The following SLC5A4 variants were observed in gnomAD, a reference collection of about 807,000 sequenced individuals.
SLC5A4 encodes the protein probable glucose sensor protein SLC5A4.
Under a neutral mutation model 70.3 loss-of-function variants are expected in SLC5A4, and 55 were observed. The observed-to-expected ratio is 0.78, with a 90% confidence interval of 0.63 to 0.98. The LOEUF (loss-of-function observed/expected upper bound fraction) is 0.98. Ranked by LOEUF, SLC5A4 falls within the 50% of genes least tolerant of loss-of-function variation. SLC5A4 has a pLI of 0.00. For synonymous variants in SLC5A4, 268 were observed against 305.7 expected (o/e 0.88, Z 1.29); for missense variants, 735 against 839.2 (o/e 0.88, Z 1.53).
upstream of SLC5A4, chr22:32,255,356 C>T (rs374660699): frequency 4.4e-6 from 7 of 1,606,368 alleles, no homozygotes; most frequent in Non-Finnish European, 6.0e-6. Flanking sequence ...ATACCCATTC[C>T]ACGCATGAGC....
chr22:32,271,102 G>T, the SLC5A4 span: 2 of 593,518 alleles, frequency 3.4e-6, no homozygotes, highest in Non-Finnish European at 6.2e-6. Context: ...GAAGCAGCCA[G>T]CCCCTGCCGA....
chr22:32,315,732 C>T, the SLC5A4 span, among the ~76,000 whole-genome samples: 1 of 138,038 alleles, frequency 7.2e-6, no homozygotes, highest in Non-Finnish European at 1.5e-5. Flanking sequence ...ACAATGATGA[C>T]AGAACTAAGA....
At chr22:32,270,217 A>T in the SLC5A4 span, 1 of 676,518 alleles carries the variant, frequency 1.5e-6, no homozygotes, top group South Asian at 1.5e-5. Context: ...CAGCATCCTT[A>T]ACATTGGACC....
chr22:32,239,265 T>TTTTACTCTC (rs1188358156), intron 5 of SLC5A4, among the ~76,000 whole-genome samples, 175 bp from the exon 6 acceptor site: 1 of 151,478 alleles, frequency 6.6e-6, no homozygotes, highest in African/African-American at 2.4e-5. Context: ...AAAAAACGAT[T>TTTTACTCTC]TTTACTCTCT....
chr22:32,345,993 T>C, the SLC5A4 span, among the ~76,000 whole-genome samples: 11 of 152,302 alleles, frequency 7.2e-5, 1 homozygote, highest in African/African-American at 2.6e-4. Context: ...TCCAAGCTAC[T>C]GGAAACAGAA....
At chr22:32,342,474 CT>C in the SLC5A4 span, among the ~76,000 whole-genome samples, 1 of 152,078 alleles carries the variant, frequency 6.6e-6, no homozygotes, top group African/African-American at 2.4e-5. Flanking sequence ...AATCCACAGA[CT>C]TTAAGATAAA....
chr22:32,285,277 T>G, the SLC5A4 span: 1 of 152,212 alleles, frequency 6.6e-6, no homozygotes, highest in East Asian at 1.9e-4. Flanking sequence ...ATTTTACTCA[T>G]GCTGGGTTCA....
chr22:32,219,646 A>AAAAAAAAAAAAAAAAAAAAAC (rs1924954759), intron 14 of SLC5A4, among the ~76,000 whole-genome samples: 1 of 148,880 alleles, frequency 6.7e-6, no homozygotes, highest in African/African-American at 2.4e-5. Flanking sequence ...AAAAAAAAAA[A>AAAAAAAAAAAAAAAAAAAAAC]AAAAAAGAAT....
At chr22:32,318,231 A>ATTT in the SLC5A4 span, among the ~76,000 whole-genome samples, 749 of 144,762 alleles carry the variant, frequency 5.2e-3, 13 homozygotes, top group African/African-American at 0.018. Flanking sequence ...GCATATGTTG[A>ATTT]TTTTTTTTTT....
At chr22:32,336,182 C>G in the SLC5A4 span, among the ~76,000 whole-genome samples, 23,086 of 152,118 alleles carry the variant, frequency 0.15, 2,152 homozygotes, top group East Asian at 0.47. Flanking sequence ...TTACTGCCAC[C>G]GGCCCAACCA....
the SLC5A4 span, among the ~76,000 whole-genome samples, chr22:32,354,286 A>T: frequency 1.4e-5 from 2 of 143,668 alleles, no homozygotes; most frequent in Non-Finnish European, 3.0e-5. Context: ...AGCGCCCTCA[A>T]CACCCCCCTC....
the SLC5A4 span, among the ~76,000 whole-genome samples, chr22:32,261,122 C>A: frequency 2.0e-5 from 3 of 151,918 alleles, no homozygotes; most frequent in African/African-American, 7.3e-5. Context: ...GAGACTCACA[C>A]TTCTCTTCAC....
At chr22:32,270,290 A>G in the SLC5A4 span, 3 of 808,064 alleles carry the variant, frequency 3.7e-6, no homozygotes, top group South Asian at 4.0e-5. Context: ...AACAACCCTG[A>G]GCCGGACCTG....
At chr22:32,337,257 A>G in the SLC5A4 span, among the ~76,000 whole-genome samples, 6 of 152,212 alleles carry the variant, frequency 3.9e-5, no homozygotes, top group African/African-American at 7.2e-5. Context: ...TCCTGTGCAC[A>G]TAAGAAACAC....
At chr22:32,352,866 C>T in the SLC5A4 span, among the ~76,000 whole-genome samples, 2 of 152,348 alleles carry the variant, frequency 1.3e-5, no homozygotes, top group African/African-American at 2.4e-5. Context: ...TTTTCATTGC[C>T]GCCCTCCTAC....
chr22:32,236,736 G>A (rs887778177), intron 7 of SLC5A4, among the ~76,000 whole-genome samples: 11 of 145,196 alleles, frequency 7.6e-5, no homozygotes, highest in African/African-American at 2.8e-4. Flanking sequence ...ATGGAGTCTC[G>A]CTCTGTTGCC....
At chr22:32,266,228 G>T in the SLC5A4 span, among the ~76,000 whole-genome samples, 43 of 152,282 alleles carry the variant, frequency 2.8e-4, no homozygotes, top group South Asian at 8.7e-3. Context: ...CAGAAATGAT[G>T]ACTAACTGAG....
chr22:32,233,517 A>G (rs997217568), intron 8 of SLC5A4, among the ~76,000 whole-genome samples: 1 of 152,216 alleles, frequency 6.6e-6, no homozygotes, highest in Non-Finnish European at 1.5e-5. Context: ...TAACCGGAGT[A>G]GGGCAAAAAT....
the SLC5A4 span, among the ~76,000 whole-genome samples, chr22:32,331,850 G>A: frequency 0.015 from 2,331 of 152,104 alleles, 63 homozygotes; most frequent in African/African-American, 0.051. Flanking sequence ...CTCCTGCCAC[G>A]GGTGGGGGCT....
Sources: gnomAD v4.1 joint callset for allele counts (sites outside exome capture counted in the v4.1 genomes callset) on GRCh38, gnomAD v4.1.1 for gene constraint, MANE v1.5 for transcripts, NCBI Gene and HGNC (gene_info 2026-07-23, HGNC 2026-07-21) for gene names.